SMYD3: variants seen among roughly 807,000 people sequenced by gnomAD.
SMYD3 encodes the protein SET and MYND domain containing 3.
A neutral mutation model predicts 57.7 loss-of-function variants in SMYD3; 36 were observed. The ratio of observed to expected loss-of-function variants is 0.62; its 90% CI spans 0.48 to 0.82. The LOEUF (loss-of-function observed/expected upper bound fraction) is 0.82, where lower values mean the gene tolerates loss of function less well. SMYD3 is among the 40% of genes least tolerant of loss of function. SMYD3 has a pLI of 0.00. For synonymous variants in SMYD3, 211 were observed against 195.0 expected, an observed-to-expected ratio of 1.08 and a Z score of -0.68; for missense variants, 515 against 538.8, an observed-to-expected ratio of 0.96 and a Z score of 0.44.
chr1:245,792,988 T>G (rs1427847514), intron 10 of SMYD3, among the ~76,000 whole-genome samples: 1 of 152,206 alleles, frequency 6.6e-6, no homozygotes. Flanking sequence ...ACTTGCCTCC[T>G]GCCCCTTACT....
intron 10 of SMYD3, among the ~76,000 whole-genome samples, chr1:245,768,956 T>C (rs553265184): frequency 2.2e-4 from 34 of 152,314 alleles, no homozygotes; most frequent in Non-Finnish European, 3.7e-4. Context: ...CAGCACAAAC[T>C]AAGTTAATAC....
chr1:245,912,140 C>G (rs1286194658), intron 8 of SMYD3, among the ~76,000 whole-genome samples: 1 of 152,058 alleles, frequency 6.6e-6, no homozygotes, highest in African/African-American at 2.4e-5. Context: ...ACCCTTAGAA[C>G]TGATAAATTC....
Position 246,180,261 on chromosome 1 carries a change from C to A in SMYD3, c.531+146940G>T, listed in dbSNP as rs150091015. Among the ~76,000 whole-genome samples the A allele has an allele frequency of 4.3e-3, 569 of 132,590 alleles. 6 individuals carry two copies. Among genetic ancestry groups the A allele is most frequent in the Middle Eastern group, 7.4e-3 (2 of 270 alleles). The allele number at this position is 132,590 out of a possible 152,430, so 87.0% of individuals were successfully genotyped here. On this transcript the variant is annotated intron_variant, in intron 5 of 11. Transcript: ENST00000490107. The stretch of plus-strand genomic sequence containing the variant: ...GTATATTAGAAAACATAATCTCTCT[C>A]TATATATATGTGTATATATAAACTA...
At chr1:246,439,711 G>A (rs553379642) in intron 1 of SMYD3, among the ~76,000 whole-genome samples, 4 of 152,154 alleles carry the variant, frequency 2.6e-5, no homozygotes, top group Admixed American at 6.5e-5. Flanking sequence ...ACTCTGGTAG[G>A]CGGGGGTGGG....
chr1:245,865,093 C>G (rs546811546), intron 8 of SMYD3, among the ~76,000 whole-genome samples: 63 of 152,328 alleles, frequency 4.1e-4, no homozygotes, highest in African/African-American at 1.3e-3. Flanking sequence ...GAATGAATGA[C>G]TGAAAACCAC....
At chr1:246,348,729 C>T (rs1254915478) in intron 2 of SMYD3, among the ~76,000 whole-genome samples, 1 of 151,970 alleles carries the variant, frequency 6.6e-6, no homozygotes, top group East Asian at 1.9e-4. Flanking sequence ...AGAAAACCCG[C>T]ACATGTACCC....
At chr1:245,845,093 C>G (rs1245485479) in intron 10 of SMYD3, among the ~76,000 whole-genome samples, 2 of 152,136 alleles carry the variant, frequency 1.3e-5, no homozygotes, top group Non-Finnish European at 2.9e-5. Context: ...CCAAAAGATT[C>G]TTCTCTGCTT....
At chr1:246,178,193 C>T (rs1297706803) in intron 5 of SMYD3, among the ~76,000 whole-genome samples, 1 of 152,094 alleles carries the variant, frequency 6.6e-6, no homozygotes, top group Non-Finnish European at 1.5e-5. Flanking sequence ...GATGGATGTT[C>T]AATTGCCAGT....
intron 9 of SMYD3, among the ~76,000 whole-genome samples, chr1:245,863,340 T>C (rs1161554238): frequency 6.6e-6 from 1 of 152,158 alleles, no homozygotes; most frequent in Non-Finnish European, 1.5e-5. Context: ...CTATTCATGC[T>C]GAGAAAATGT....
intron 5 of SMYD3, among the ~76,000 whole-genome samples, chr1:246,294,638 G>T (rs547534906): frequency 6.6e-6 from 1 of 151,276 alleles, no homozygotes; most frequent in Admixed American, 6.6e-5. Flanking sequence ...TTACTCTGTT[G>T]CCCATGTTGG....
At chr1:246,098,121 T>C (rs894578623) in intron 5 of SMYD3, among the ~76,000 whole-genome samples, 3 of 152,214 alleles carry the variant, frequency 2.0e-5, no homozygotes, top group Admixed American at 6.5e-5. Context: ...AAAAAGTTAA[T>C]GATCAATTGG....
intron 5 of SMYD3, among the ~76,000 whole-genome samples, chr1:246,095,932 C>G (rs1374225501): frequency 1.3e-5 from 2 of 152,164 alleles, no homozygotes; most frequent in Admixed American, 6.5e-5. Context: ...ACTTCAACTC[C>G]TATTTTTCAT....
chr1:246,173,148 T>A (rs1383088774), intron 5 of SMYD3, among the ~76,000 whole-genome samples: 12 of 142,222 alleles, frequency 8.4e-5, no homozygotes, highest in Middle Eastern at 3.9e-3. Context: ...CACTCACTGT[T>A]CTCTACTGCA....
chr1:246,461,417 A>G lies in SMYD3; in HGVS notation c.164+45637T>C, dbSNP rs184404166. On this transcript the variant is annotated intron_variant, in intron 1 of 11. Transcript: ENST00000490107. ...ATTATATACATGTTATTATGTTAAA[A>G]TCCATAGTAAAAACTTAGAACAATT... Among the ~76,000 whole-genome samples, 244 of 152,342 alleles carry G rather than the reference A, an allele frequency of 1.6e-3. 3 individuals carry two copies. Among genetic ancestry groups the G allele is most frequent in the Admixed American group, 0.015 (231 of 15,306 alleles).
At chr1:246,460,517 T>C (rs1333240981) in intron 1 of SMYD3, among the ~76,000 whole-genome samples, 1 of 152,216 alleles carries the variant, frequency 6.6e-6, no homozygotes. Flanking sequence ...CAGTTACATG[T>C]GTGTTTTTAC....
intron 5 of SMYD3, among the ~76,000 whole-genome samples, chr1:246,269,380 C>T (rs1342418692): frequency 3.3e-5 from 5 of 152,140 alleles, no homozygotes; most frequent in East Asian, 3.9e-4. Context: ...TCATTTTTGA[C>T]GTTAGGAAAT....
intron 1 of SMYD3, among the ~76,000 whole-genome samples, chr1:246,481,234 T>C (rs1213120163): frequency 2.0e-5 from 3 of 152,118 alleles, no homozygotes; most frequent in African/African-American, 4.8e-5. Flanking sequence ...TGATTTCACA[T>C]GTAAACATGA....
chr1:246,245,522 G>C (rs565247590), intron 5 of SMYD3, among the ~76,000 whole-genome samples: 1 of 152,168 alleles, frequency 6.6e-6, no homozygotes, highest in East Asian at 1.9e-4. Flanking sequence ...TATTAAGAAA[G>C]AGGCAGACAT....
At chr1:246,283,961 G>GTGCT (rs2064503854) in intron 5 of SMYD3, among the ~76,000 whole-genome samples, 2 of 152,162 alleles carry the variant, frequency 1.3e-5, no homozygotes, top group Non-Finnish European at 2.9e-5. Context: ...ATTAATATTT[G>GTGCT]ACTAAAATAG....
Sources: allele counts gnomAD v4.1 joint callset (sites outside exome capture counted in the v4.1 genomes callset), GRCh38; gene constraint gnomAD v4.1.1; transcripts MANE v1.5; gene names NCBI Gene and HGNC (gene_info 2026-07-23, HGNC 2026-07-21).